The following CA10 variants were observed in gnomAD, a reference collection of about 807,000 sequenced individuals.
CA10 encodes the protein carbonic anhydrase 10 (inactive).
A neutral mutation model predicts 44.2 loss-of-function variants in CA10; 14 were observed. That is an observed-to-expected ratio of 0.32 (90% confidence interval 0.21 to 0.50). The LOEUF (loss-of-function observed/expected upper bound fraction) is 0.50. CA10 is among the 20% of genes least tolerant of loss of function. The pLI is 0.99. For missense variants in CA10, 350 were observed against 409.7 expected, an observed-to-expected ratio of 0.85 and a Z score of 1.26; for synonymous variants, 159 against 141.6, an observed-to-expected ratio of 1.12 and a Z score of -0.87.
At chr17:51,985,086 C>T (rs973236643) in intron 2 of CA10, among the ~76,000 whole-genome samples, 1 of 151,994 alleles carries the variant, frequency 6.6e-6, no homozygotes, top group East Asian at 1.9e-4. Context: ...GGACTGATAT[C>T]CTTGATGAAC....
chr17:51,874,655 A>T (rs1979972138), intron 3 of CA10, among the ~76,000 whole-genome samples: 1 of 152,160 alleles, frequency 6.6e-6, no homozygotes, highest in Admixed American at 6.5e-5. Context: ...ATTGATACTC[A>T]GCTCTTCCTT....
At chr17:52,131,589 C>T (rs1019546380) in intron 1 of CA10, among the ~76,000 whole-genome samples, 1 of 152,126 alleles carries the variant, frequency 6.6e-6, no homozygotes, top group African/African-American at 2.4e-5. Flanking sequence ...TGGAGTTTAA[C>T]ACAAAAACAG....
intron 2 of CA10, among the ~76,000 whole-genome samples, chr17:52,055,684 G>A (rs1429226931): frequency 6.6e-6 from 1 of 152,040 alleles, no homozygotes; most frequent in Non-Finnish European, 1.5e-5. Flanking sequence ...GTTTCAGACA[G>A]ATGAGATGAA....
intron 1 of CA10, among the ~76,000 whole-genome samples, chr17:52,133,408 C>T (rs995935384): frequency 2.0e-5 from 3 of 151,924 alleles, no homozygotes; most frequent in East Asian, 1.9e-4. Context: ...GTCAGAGATC[C>T]GCAATGCAGA....
At chr17:51,978,634 T>C (rs1984544865) in intron 2 of CA10, among the ~76,000 whole-genome samples, 1 of 151,962 alleles carries the variant, frequency 6.6e-6, no homozygotes, top group Non-Finnish European at 1.5e-5. Flanking sequence ...GGCAATAATA[T>C]CTGAGGCAGA....
Position 52,012,895 on chromosome 17 carries a change from T to C in CA10, c.136+59424A>G, listed in dbSNP as rs374828928. Among the ~76,000 whole-genome samples the C allele has an allele frequency of 3.9e-5, 6 of 152,112 alleles. No individual in the cohort carries two copies. In the East Asian group the frequency reaches 9.7e-4, roughly 25 times the overall value. Reference sequence around the variant, plus strand: ...TTTTTTTTCTGCTCAGGCTTGACCCTGAGAGGGCTTCCTCTGCTGTAGATA... The same window carrying C: ...TTTTTTTTCTGCTCAGGCTTGACCCCGAGAGGGCTTCCTCTGCTGTAGATA... On this transcript the variant is annotated intron_variant, in intron 2 of 8. Coordinates refer to ENST00000451037, the MANE Select transcript of CA10 (RefSeq NM_020178.5).
At chr17:51,748,416 C>G (rs1904782013) in intron 3 of CA10, 1 of 930,282 alleles carries the variant, frequency 1.1e-6, no homozygotes. Context: ...TTCATAGATT[C>G]CTAGACTTAC....
chr17:51,860,798 G>A (rs566718098), intron 3 of CA10, among the ~76,000 whole-genome samples: 1 of 151,980 alleles, frequency 6.6e-6, no homozygotes, highest in African/African-American at 2.4e-5. Flanking sequence ...TACCTTTAGG[G>A]GTATTCAGAA....
At chr17:51,686,894 C>T (rs1327588029) in intron 4 of CA10, among the ~76,000 whole-genome samples, 5 of 152,142 alleles carry the variant, frequency 3.3e-5, no homozygotes, top group Non-Finnish European at 5.9e-5. Context: ...TCTTCAGTTC[C>T]AACTTGAAAA....
chr17:51,688,078 C>G (rs1915066621), intron 4 of CA10, among the ~76,000 whole-genome samples: 1 of 152,192 alleles, frequency 6.6e-6, no homozygotes, highest in South Asian at 2.1e-4. Flanking sequence ...GCTGCAATGT[C>G]ATGTGAACAC....
chr17:51,980,119 A>C (rs1037546793), intron 2 of CA10, among the ~76,000 whole-genome samples: 1 of 152,126 alleles, frequency 6.6e-6, no homozygotes, highest in Non-Finnish European at 1.5e-5. Context: ...GCTTTCCACA[A>C]TGGTTGAACT....
chr17:51,831,630 G>A (rs947043819), intron 3 of CA10, among the ~76,000 whole-genome samples: 1 of 149,136 alleles, frequency 6.7e-6, no homozygotes, highest in Admixed American at 6.6e-5. Flanking sequence ...AAAGAGGAAG[G>A]CATCTTCAAA....
chr17:51,991,925 C>T (rs1185611120), intron 2 of CA10, among the ~76,000 whole-genome samples: 5 of 152,108 alleles, frequency 3.3e-5, no homozygotes, highest in African/African-American at 7.2e-5. Context: ...CCTATCTCTG[C>T]GGCCCTCCAT....
At chr17:51,958,060 C>A (rs1983733939) in intron 2 of CA10, among the ~76,000 whole-genome samples, 1 of 152,108 alleles carries the variant, frequency 6.6e-6, no homozygotes, top group Non-Finnish European at 1.5e-5. Flanking sequence ...AGGGACTCAT[C>A]TAATTCATCT....
At chr17:51,874,184 T>A (rs772476887) in intron 3 of CA10, among the ~76,000 whole-genome samples, 17 of 152,148 alleles carry the variant, frequency 1.1e-4, no homozygotes, top group African/African-American at 3.1e-4. Context: ...TTTGTACATA[T>A]AAATACTTGA....
chr17:51,651,396 A>T (rs17695655), intron 5 of CA10, among the ~76,000 whole-genome samples: 21,253 of 152,176 alleles, frequency 0.14, 1,895 homozygotes, highest in Admixed American at 0.19. Flanking sequence ...GGAGTTGATT[A>T]TATGGAGGGA....
intron 3 of CA10, among the ~76,000 whole-genome samples, chr17:51,761,060 T>G (rs1185572406): frequency 6.6e-6 from 1 of 152,200 alleles, no homozygotes; most frequent in African/African-American, 2.4e-5. Context: ...GGGTCAGTCT[T>G]CCTTCCCAAG....
At chr17:51,656,020 T>TGG (rs1318066441) in intron 4 of CA10, among the ~76,000 whole-genome samples, 1 of 152,146 alleles carries the variant, frequency 6.6e-6, no homozygotes, top group Admixed American at 6.5e-5. Context: ...TGTTGCCAGG[T>TGG]GGTGGAAGAA....
At chr17:51,838,990 T>A (rs1978297668) in intron 3 of CA10, among the ~76,000 whole-genome samples, 1 of 152,262 alleles carries the variant, frequency 6.6e-6, no homozygotes, top group Non-Finnish European at 1.5e-5. Context: ...AGATTGATTT[T>A]GTTTTATTTT....
Sources: gnomAD v4.1 joint callset for allele counts (sites outside exome capture counted in the v4.1 genomes callset) on GRCh38, gnomAD v4.1.1 for gene constraint, MANE v1.5 for transcripts, NCBI Gene and HGNC (gene_info 2026-07-23, HGNC 2026-07-21) for gene names.